Variants in CACNA1S observed in about 807,000 individuals in gnomAD.
The protein encoded by CACNA1S is voltage-dependent L-type calcium channel subunit alpha-1S.
In CACNA1S, 126 loss-of-function variants were observed where a neutral mutation model predicts 207.4. That is an observed-to-expected ratio of 0.61 (90% CI 0.53 to 0.70). The LOEUF is 0.70. Ranked by LOEUF, CACNA1S falls within the 30% of genes least tolerant of loss-of-function variation. The probability of loss-of-function intolerance (pLI) is 0.00; values close to 1 mark genes in which losing one functional copy is unlikely to be tolerated. For missense variants in CACNA1S, 2,349 were observed against 2,422.8 expected (o/e 0.97, Z 0.64); for synonymous variants, 960 against 932.7 (o/e 1.03, Z -0.53).
intron 2 of CACNA1S, among the ~76,000 whole-genome samples, chr1:201,103,276 T>A (rs1401892305): frequency 6.7e-6 from 1 of 150,020 alleles, no homozygotes; most frequent in Non-Finnish European, 1.5e-5. Flanking sequence ...AAAGATATTG[T>A]GGTCCTCTGT....
At chr1:201,091,934 G>A (rs1262704683) in intron 4 of CACNA1S, 38 bp downstream of exon 4, 14 of 1,613,390 alleles carry the variant, frequency 8.7e-6, no homozygotes, top group Non-Finnish European at 1.2e-5. Flanking sequence ...AACAGGAAGG[G>A]AGAGGAGAAA....
intron 32 of CACNA1S, among the ~76,000 whole-genome samples, chr1:201,051,510 C>T (rs980148995): frequency 6.6e-6 from 1 of 152,154 alleles, no homozygotes; most frequent in African/African-American, 2.4e-5. Context: ...ACAGTTGAAC[C>T]CAACTGGCTG....
At chr1:201,069,421 A>C in intron 18 of CACNA1S, 51 bp downstream of exon 18, 1 of 1,602,344 alleles carries the variant, frequency 6.2e-7, no homozygotes, top group Non-Finnish European at 8.5e-7. Flanking sequence ...CACCAGACTG[A>C]GGCTGGAGGG....
rs147076871 is a variant in CACNA1S at position 201,069,167 on chromosome 1, G to A, written c.2520C>T (p.Thr840=). ...GGACAATCTCCACAGTGAAGACAGA[G>A]GTGAACCCGATGTCAAAGTGTTTAA... ...QILKHFDIGF[T]SVFTVEIVLK... The change falls in exon 19 of 44, where the codon ACC becomes ACT. Residue 840 remains threonine, a synonymous_variant. Transcript: ENST00000362061. The A allele has an allele frequency of 1.7e-5, 28 of 1,614,068 alleles. No homozygotes were observed. The African/African-American group carries it at 2.4e-4, about 14-fold the overall frequency.
intron 2 of CACNA1S, among the ~76,000 whole-genome samples, chr1:201,107,509 C>T (rs891310460): frequency 6.6e-6 from 1 of 152,238 alleles, no homozygotes; most frequent in African/African-American, 2.4e-5. Context: ...ATTTGGTTCA[C>T]AGTGATATCC....
intron 28 of CACNA1S, among the ~76,000 whole-genome samples, chr1:201,055,029 G>A (rs758967652): frequency 3.9e-5 from 6 of 152,312 alleles, no homozygotes; most frequent in East Asian, 1.9e-4. Flanking sequence ...CAGCTCCTCT[G>A]GGGGAGTCTG....
Position 201,049,082 on chromosome 1 carries a change from A to C in CACNA1S, c.4259T>G (p.Leu1420Arg). 2 of 1,612,850 alleles carry C rather than the reference A, an allele frequency of 1.2e-6. No individual in the cohort carries two copies. Among genetic ancestry groups the C allele is most frequent in the Non-Finnish European group, 1.7e-6 (2 of 1,179,498 alleles). ...DPEAKGRIKH[L>R]DVVTLLRRIQ... The stretch of plus-strand genomic sequence containing the variant: ...CCTTCTCAGCAGGGTCACCACGTCC[A>C]GGTGTTTGATTCTCCCCCTGCGGGA... The change falls in exon 35 of 44, where the codon CTG (leucine) becomes CGG (arginine). Residue 1420 changes from leucine to arginine, a missense_variant. Coordinates refer to ENST00000362061, the MANE Select transcript of CACNA1S (RefSeq NM_000069.3).
chr1:201,047,101 T>C lies in CACNA1S; in HGVS notation c.4668+14A>G, dbSNP rs1660496015. The C allele has an allele frequency of 7.4e-6, 12 of 1,614,194 alleles. No homozygotes were observed. The East Asian group carries it at 2.7e-4, about 36-fold the overall frequency. ...GTGGGGGAGCCCCTTGGAACATACC[T>C]GGATTGGGCTTACCTGGATCTGTAC... is the stretch of plus-strand genomic sequence containing the variant. On this transcript the variant is annotated intron_variant, in intron 38 of 43. Coordinates refer to ENST00000362061, the MANE Select transcript of CACNA1S (RefSeq NM_000069.3).
chr1:201,096,130 T>G (rs560171615), intron 2 of CACNA1S, among the ~76,000 whole-genome samples: 1 of 152,352 alleles, frequency 6.6e-6, no homozygotes, highest in East Asian at 1.9e-4. Context: ...ACTGCCTGTC[T>G]GGCTGCGGCC....
In CACNA1S at chr1:201,056,070, GACAC is replaced by G. The variant is rs58170287; in HGVS notation, c.3610-1513_3610-1510del. Among the ~76,000 whole-genome samples the G allele has an allele frequency of 2.5e-3, 239 of 94,910 alleles. 1 individual carries two copies. The highest frequency in any genetic ancestry group is 5.5e-3 in the Admixed American group (48 of 8,658). The allele number at this position is 94,910 out of a possible 152,430, so 62.3% of individuals were successfully genotyped here. A position where few individuals can be genotyped will look rare whatever the true frequency, so the allele number is the denominator to read the frequency against. The stretch of plus-strand genomic sequence containing the variant: ...ACACACACAGACAGACAGACAGACA[GACAC>G]ACACACACACACACACACACACACA... On this transcript the variant is annotated intron_variant, in intron 28 of 43. Coordinates refer to ENST00000362061, the MANE Select transcript of CACNA1S (RefSeq NM_000069.3).
chr1:201,059,790 C>G (rs558364651), intron 26 of CACNA1S, among the ~76,000 whole-genome samples: 36 of 152,354 alleles, frequency 2.4e-4, no homozygotes, highest in African/African-American at 7.5e-4. Context: ...CACACCACCC[C>G]CAGTGATTAT....
At chr1:201,091,948 G>T (rs1374379727) in intron 4 of CACNA1S, 24 bp downstream of exon 4, 4 of 1,613,780 alleles carry the variant, frequency 2.5e-6, no homozygotes, top group African/African-American at 1.3e-5. Context: ...GGAGAAAGGG[G>T]TCTGCAGGGA....
At chr1:201,110,109 C>G (rs1233940257) in intron 2 of CACNA1S, 55 bp downstream of exon 2, 11 of 1,532,714 alleles carry the variant, frequency 7.2e-6, no homozygotes, top group Non-Finnish European at 9.9e-6. Context: ...AAGGGGGCCT[C>G]CCCAAGCCTG....
chr1:201,069,041 T>C, intron 19 of CACNA1S, 96 bp downstream of exon 19: 1 of 1,116,274 alleles, frequency 9.0e-7, no homozygotes, highest in Non-Finnish European at 1.4e-6. Context: ...CTCCACCTCT[T>C]TTCTGCTTCT....
intron 2 of CACNA1S, among the ~76,000 whole-genome samples, chr1:201,104,349 C>T (rs575469294): frequency 1.4e-4 from 21 of 152,334 alleles, no homozygotes; most frequent in African/African-American, 5.0e-4. Flanking sequence ...GGCAGAACTA[C>T]TTCCCCTCCC....
intron 17 of CACNA1S, 35 bp from the exon 18 acceptor site, chr1:201,069,636 T>A (rs1558067666): frequency 6.5e-7 from 1 of 1,549,938 alleles, no homozygotes; most frequent in East Asian, 2.4e-5. Context: ...AGGGGAGCTG[T>A]GAGCTGCTGG....
At chr1:201,091,892 T>C in intron 4 of CACNA1S, 80 bp downstream of exon 4, 3 of 1,603,098 alleles carry the variant, frequency 1.9e-6, no homozygotes, top group Non-Finnish European at 2.6e-6. Flanking sequence ...GATGTCAAGG[T>C]AGGAAGGGGA....
chr1:201,041,324 C>A (rs1265452624), intron 41 of CACNA1S, among the ~76,000 whole-genome samples, 180 bp downstream of exon 41: 1 of 152,188 alleles, frequency 6.6e-6, no homozygotes, highest in Non-Finnish European at 1.5e-5. Flanking sequence ...CCCTGCTTCC[C>A]CCCTGGACAA....
rs764738319 is a variant in CACNA1S at position 201,066,973 on chromosome 1, G to A, written c.2571C>T (p.Phe857=). The change falls in exon 20 of 44, where the codon TTC becomes TTT. Residue 857 remains phenylalanine, a synonymous_variant. Transcript: ENST00000362061. This position sits in a 1 kb window ranked among gnomAD's most constrained non-coding sequence, Gnocchi z 4.3. ...TGCGGCAGAAGGAACCCTTGTGCAG[G>A]AAGGCTCCGTAGGTCGTCATCTGGG... ...IVLKMTTYGA[F]LHKGSFCRNY... 9 of 1,613,918 alleles carry A rather than the reference G, an allele frequency of 5.6e-6. No homozygotes were observed. Among genetic ancestry groups the A allele is most frequent in the Admixed American group, 3.3e-5 (2 of 60,002 alleles).
Sources: allele counts gnomAD v4.1 joint callset (sites outside exome capture counted in the v4.1 genomes callset), GRCh38; gene constraint gnomAD v4.1.1; non-coding constraint Gnocchi (gnomAD v3.1); transcripts MANE v1.5; gene names NCBI Gene and HGNC (gene_info 2026-07-23, HGNC 2026-07-21).